MTERF3: variants seen among roughly 807,000 people sequenced by gnomAD.
MTERF3 encodes mitochondrial transcription termination factor 3.
A neutral mutation model predicts 40.5 loss-of-function variants in MTERF3; 40 were observed. The observed-to-expected ratio is 0.99, with a 90% CI of 0.77 to 1.29. The LOEUF (loss-of-function observed/expected upper bound fraction) is 1.29, where lower values mean the gene tolerates loss of function less well. MTERF3 is among the 50% of genes most tolerant of loss of function. The probability of loss-of-function intolerance (pLI) is 0.00; values close to 1 mark genes in which losing one functional copy is unlikely to be tolerated. For missense variants in MTERF3, 452 were observed against 478.2 expected, an observed-to-expected ratio of 0.95 and a Z score of 0.51; for synonymous variants, 158 against 166.6, an observed-to-expected ratio of 0.95 and a Z score of 0.40.
intron 7 of MTERF3, among the ~76,000 whole-genome samples, chr8:96,240,555 A>C (rs1586161471): frequency 6.6e-6 from 1 of 152,180 alleles, no homozygotes; most frequent in East Asian, 1.9e-4. Flanking sequence ...GCCTCAAAGT[A>C]AAACTCCTAA....
chr8:96,246,098 G>GAAAAC (rs1810016174), intron 5 of MTERF3, among the ~76,000 whole-genome samples, 167 bp from the exon 6 acceptor site: 1 of 152,110 alleles, frequency 6.6e-6, no homozygotes, highest in Non-Finnish European at 1.5e-5. Context: ...TGGAAAAAAA[G>GAAAAC]AAAACAAAAA....
rs773768196 is a variant in MTERF3, at chr8:96,258,348, C to G, written c.334+9G>C. 3.8e-6 allele frequency: 6 copies of G among 1,591,982 alleles called. No individual in the cohort carries two copies. The African/African-American group carries it at 8.1e-5, about 21-fold the overall frequency. ...GGAAAGGGAGACTTTTCTGAAAGTT[C>G]AGAATTACCTTCTAGAAACAGCTCA... On this transcript the variant is annotated intron_variant, in intron 2 of 7. Coordinates refer to ENST00000287025, the MANE Select transcript of MTERF3 (RefSeq NM_015942.5).
intron 7 of MTERF3, among the ~76,000 whole-genome samples, chr8:96,242,315 C>A (rs1809944611): frequency 6.6e-6 from 1 of 152,172 alleles, no homozygotes; most frequent in African/African-American, 2.4e-5. Flanking sequence ...TGCCTAAAAT[C>A]TGTGTTTTTA....
intron 4 of MTERF3, among the ~76,000 whole-genome samples, chr8:96,250,009 C>T (rs1258532220): frequency 1.3e-5 from 2 of 152,044 alleles, no homozygotes; most frequent in Non-Finnish European, 2.9e-5. Flanking sequence ...GGGGTTTTGC[C>T]TTGTTCTCTG....
chr8:96,243,216 A>G (rs1809959915), intron 7 of MTERF3, among the ~76,000 whole-genome samples: 1 of 152,218 alleles, frequency 6.6e-6, no homozygotes, highest in Non-Finnish European at 1.5e-5. Context: ...TAGAGGGATC[A>G]CTTAAATAAA....
At chr8:96,256,600 T>A (rs1029014800) in intron 3 of MTERF3, among the ~76,000 whole-genome samples, 5 of 152,194 alleles carry the variant, frequency 3.3e-5, no homozygotes, top group African/African-American at 9.7e-5. Context: ...TTATCTAAAA[T>A]TGTAATTTAT....
At chr8:96,245,050 A>G (rs947908304) in intron 6 of MTERF3, among the ~76,000 whole-genome samples, 7 of 152,074 alleles carry the variant, frequency 4.6e-5, no homozygotes, top group African/African-American at 1.7e-4. Context: ...GAACTAAACA[A>G]CCAAACACAG....
Position 96,246,439 on chromosome 8 carries a change from A to G in MTERF3, c.693T>C (p.His231=), listed in dbSNP as rs1478221223. The G allele has an allele frequency of 6.2e-7, 1 of 1,609,894 alleles. No individual in the cohort carries two copies. Among genetic ancestry groups the G allele is most frequent in the Non-Finnish European group, 8.5e-7 (1 of 1,178,840 alleles). Reference sequence around the variant, plus strand: ...CATCTGCTTTACTGAAATTTTTTGAATGCAGATAAGCCACCCTAGAGAAAC... The same window carrying G: ...CATCTGCTTTACTGAAATTTTTTGAGTGCAGATAAGCCACCCTAGAGAAAC... ...ENLKTRVAYL[H]SKNFSKADVA... The change falls in exon 5 of 8, where the codon CAT becomes CAC. Residue 231 remains histidine (H), a synonymous_variant. Coordinates refer to ENST00000287025, the MANE Select transcript of MTERF3 (RefSeq NM_015942.5).
In MTERF3 at chr8:96,255,912, G is replaced by A. The variant is rs142429740; in HGVS notation, c.487+1050C>T. ...GAATCTGGCAAGTGGTAAGTGATCA[G>A]TACCACAAAAAACTCAAAAGTCTCC... is the stretch of plus-strand genomic sequence containing the variant. On this transcript the variant is annotated intron_variant, in intron 3 of 7. Transcript: ENST00000287025. 5.6e-3 allele frequency among the ~76,000 whole-genome samples: 848 copies of A among 152,262 alleles called. 2 individuals carry two copies. The highest frequency in any genetic ancestry group is 0.014 in the African/African-American group (595 of 41,530).
intron 2 of MTERF3, 70 bp from the exon 3 acceptor site, chr8:96,257,184 T>C (rs1810296881): frequency 7.0e-7 from 1 of 1,424,674 alleles, no homozygotes; most frequent in Non-Finnish European, 9.4e-7. Flanking sequence ...AGACCAGCTC[T>C]TCCCTTGTTT....
intron 4 of MTERF3, among the ~76,000 whole-genome samples, chr8:96,250,683 G>GACGAAGAAGAAGAC (rs1479466031): frequency 1.7e-5 from 1 of 58,862 alleles, no homozygotes; most frequent in African/African-American, 6.8e-5. Flanking sequence ...AGAAGAAGAA[G>GACGAAGAAGAAGAC]GAGGAGGAGG....
At chr8:96,252,338 G>A (rs1376653230) in intron 3 of MTERF3, among the ~76,000 whole-genome samples, 2 of 151,874 alleles carry the variant, frequency 1.3e-5, no homozygotes, top group Non-Finnish European at 2.9e-5. Context: ...AAAATATATG[G>A]GACCATTAGC....
At chr8:96,240,700 G>A (rs529980918) in intron 7 of MTERF3, among the ~76,000 whole-genome samples, 1 of 152,306 alleles carries the variant, frequency 6.6e-6, no homozygotes, top group Non-Finnish European at 1.5e-5. Flanking sequence ...AGAGACCTGT[G>A]AGGTTCCCCG....
intron 3 of MTERF3, 129 bp downstream of exon 3, chr8:96,256,833 G>T: frequency 1.4e-6 from 1 of 714,244 alleles, no homozygotes; most frequent in Non-Finnish European, 2.0e-6. Context: ...CTCACTAGAA[G>T]CCTTTATGCT....
intron 7 of MTERF3, among the ~76,000 whole-genome samples, chr8:96,240,452 C>G (rs1253418856): frequency 6.6e-6 from 1 of 151,980 alleles, no homozygotes; most frequent in East Asian, 1.9e-4. Context: ...CTCTCTCTCC[C>G]TTTTTTAAAA....
intron 3 of MTERF3, among the ~76,000 whole-genome samples, chr8:96,254,069 C>A (rs1211407844): frequency 6.6e-6 from 1 of 152,040 alleles, no homozygotes; most frequent in African/African-American, 2.4e-5. Context: ...ATAGCACCTG[C>A]CATAAGACAG....
chr8:96,244,814 A>G (rs1259089865), intron 6 of MTERF3, among the ~76,000 whole-genome samples: 1 of 152,196 alleles, frequency 6.6e-6, no homozygotes, highest in Non-Finnish European at 1.5e-5. Context: ...CCCTCTGCTG[A>G]GAAAGAGCTA....
Position 96,256,953 on chromosome 8 carries a change from C to T in MTERF3, c.487+9G>A. The T allele has an allele frequency of 6.3e-7, 1 of 1,590,288 alleles. No homozygotes were observed. Among genetic ancestry groups the T allele is most frequent in the African/African-American group, 1.4e-5 (1 of 73,626 alleles). On this transcript the variant is annotated intron_variant, in intron 3 of 7. Coordinates refer to ENST00000287025, the MANE Select transcript of MTERF3 (RefSeq NM_015942.5). ...ATGCAAAAAGTACTTGTAGTTTAGT[C>T]AAACTTACCTAGAAGAACCAACTTC...
rs1177310100 is a variant in MTERF3 at position 96,250,693 on chromosome 8, GA to G, written c.677+212del. ...GAAGAAGAAGAAGAAGGAGGAGGAG[GA>G]GGGGGGGAGGGGGAGGGGGAGAAGA... is the stretch of plus-strand genomic sequence containing the variant. On this transcript the variant is annotated intron_variant, in intron 4 of 7. Transcript: ENST00000287025. Among the ~76,000 whole-genome samples the G allele has an allele frequency of 6.0e-4, 19 of 31,704 alleles. 4 individuals are homozygous for G. The South Asian group carries it at 0.013, about 21-fold the overall frequency. 20.8% of individuals were successfully genotyped at this position (31,704 alleles called of 152,430 possible). A position where few individuals can be genotyped will look rare whatever the true frequency, so the allele number is the denominator to read the frequency against.
Sources: gnomAD v4.1 joint callset for allele counts (sites outside exome capture counted in the v4.1 genomes callset) on GRCh38, gnomAD v4.1.1 for gene constraint, MANE v1.5 for transcripts, NCBI Gene and HGNC (gene_info 2026-07-23, HGNC 2026-07-21) for gene names.